Variants in DPYSL5 observed in about 807,000 individuals in gnomAD.
The protein encoded by DPYSL5 is dihydropyrimidinase like 5.
Under a neutral mutation model 58.4 loss-of-function variants are expected in DPYSL5, and 9 were observed. The ratio of observed to expected loss-of-function variants is 0.15; its 90% CI spans 0.09 to 0.27. The LOEUF (loss-of-function observed/expected upper bound fraction) is 0.27. Among genes scored for constraint, DPYSL5 ranks in the 10% least tolerant of loss-of-function variants. DPYSL5 has a pLI of 1.00. For synonymous variants in DPYSL5, 293 were observed against 301.9 expected, an observed-to-expected ratio of 0.97 and a Z score of 0.31; for missense variants, 499 against 770.6, an observed-to-expected ratio of 0.65 and a Z score of 4.17.
intron 2 of DPYSL5, among the ~76,000 whole-genome samples, chr2:26,912,261 G>A (rs911739617): frequency 1.3e-4 from 20 of 152,226 alleles, no homozygotes; most frequent in African/African-American, 4.3e-4. Context: ...GGCAGGGCAG[G>A]CCTGTCTGCC....
intron 1 of DPYSL5, among the ~76,000 whole-genome samples, chr2:26,854,423 C>T (rs1385943210): frequency 1.3e-5 from 2 of 152,136 alleles, no homozygotes; most frequent in Admixed American, 1.3e-4. Flanking sequence ...CACACCATTG[C>T]ACTGTAGCCT....
intron 1 of DPYSL5, among the ~76,000 whole-genome samples, chr2:26,873,536 C>T (rs897744215): frequency 1.3e-5 from 2 of 152,170 alleles, no homozygotes; most frequent in Admixed American, 6.5e-5. Context: ...CACTGGATAG[C>T]TCCCAGGACA....
chr2:26,923,367 CACA>C (rs1204301094), intron 2 of DPYSL5, among the ~76,000 whole-genome samples: 3 of 152,296 alleles, frequency 2.0e-5, no homozygotes, highest in South Asian at 4.1e-4. Context: ...AGTAACTAAA[CACA>C]CATGTTAGGA....
chr2:26,915,708 A>G (rs1199894724), intron 2 of DPYSL5, among the ~76,000 whole-genome samples: 1 of 152,098 alleles, frequency 6.6e-6, no homozygotes, highest in Non-Finnish European at 1.5e-5. Flanking sequence ...GGCTCAGACC[A>G]ACACTCCTGA....
intron 1 of DPYSL5, among the ~76,000 whole-genome samples, chr2:26,871,692 C>T (rs1208922807): frequency 3.9e-5 from 6 of 152,218 alleles, no homozygotes; most frequent in East Asian, 1.9e-4. Context: ...CCACCCGCCT[C>T]GGCCTTCCAA....
intron 5 of DPYSL5, among the ~76,000 whole-genome samples, chr2:26,931,043 G>A (rs1346929257): frequency 1.3e-5 from 2 of 149,796 alleles, no homozygotes; most frequent in African/African-American, 2.5e-5. Context: ...GGAGTCTGAG[G>A]TGGGAGGATC....
chr2:26,887,659 G>C (rs1663754132), intron 1 of DPYSL5, among the ~76,000 whole-genome samples: 1 of 151,280 alleles, frequency 6.6e-6, no homozygotes, highest in South Asian at 2.1e-4. Context: ...AGTAAAAATG[G>C]GGGGCATGGA....
intron 1 of DPYSL5, among the ~76,000 whole-genome samples, chr2:26,892,756 T>TGAGAGAGA (rs144430871): frequency 0.074 from 10,212 of 138,584 alleles, 437 homozygotes; most frequent in Non-Finnish European, 0.084. Context: ...TGGGTTTGTT[T>TGAGAGAGA]GAGAGAGAGA....
rs538846581 is a variant in DPYSL5 at position 26,889,906 on chromosome 2, G to A, written c.-4-8590G>A. On this transcript the variant is annotated intron_variant, in intron 1 of 12. Coordinates refer to ENST00000288699, the MANE Select transcript of DPYSL5 (RefSeq NM_020134.4). The stretch of plus-strand genomic sequence containing the variant: ...TGTTGAGTTCAGCAAAGACTAGCAG[G>A]GAAAGCTGTAAGAATAAGGTGCTAA... Among the ~76,000 whole-genome samples the A allele has an allele frequency of 2.7e-4, 41 of 152,252 alleles. No individual in the cohort carries two copies. In the South Asian group the frequency reaches 7.5e-3, roughly 28 times the overall value.
Position 26,870,444 on chromosome 2 carries a change from A to G in DPYSL5, c.-5+22190A>G, listed in dbSNP as rs148325487. Among the ~76,000 whole-genome samples the G allele has an allele frequency of 1.8e-3, 267 of 152,288 alleles. 2 individuals are homozygous for G. The highest frequency in any genetic ancestry group is 0.014 in the Middle Eastern group (4 of 294). The stretch of plus-strand genomic sequence containing the variant: ...TGTATTATCCTTTTGGTACACTGCA[A>G]ATTGTTTACAACTGTAGTTTGTGTC... On this transcript the variant is annotated intron_variant, in intron 1 of 12. Transcript: ENST00000288699.
chr2:26,857,953 G>T (rs1426601896), intron 1 of DPYSL5, among the ~76,000 whole-genome samples: 2 of 152,194 alleles, frequency 1.3e-5, no homozygotes, highest in Non-Finnish European at 2.9e-5. Flanking sequence ...GTGCATAAAG[G>T]ACAGTGGTTG....
chr2:26,856,291 A>G (rs1665876354), intron 1 of DPYSL5, among the ~76,000 whole-genome samples: 1 of 152,250 alleles, frequency 6.6e-6, no homozygotes, highest in African/African-American at 2.4e-5. Flanking sequence ...TCAGTACTCA[A>G]GGAGAGTCTC....
rs1181969829 is a variant in DPYSL5, at chr2:26,948,093, A to ACACACACACACACACACACACACG, written c.*1115_*1116insACACACGCACACACACACACACAC. On this transcript the variant is annotated 3_prime_UTR_variant, in exon 13 of 13. Transcript: ENST00000288699. The stretch of plus-strand genomic sequence containing the variant: ...TGCCACCACACACACACACACACAC[A>ACACACACACACACACACACACACG]CACACACACACACACACGCACGGCT... 3 of 154,904 alleles carry ACACACACACACACACACACACACG rather than the reference A, an allele frequency of 1.9e-5. No homozygotes were observed. Among genetic ancestry groups the ACACACACACACACACACACACACG allele is most frequent in the African/African-American group, 7.3e-5 (3 of 40,976 alleles). The allele number at this position is 154,904 out of a possible 1,614,324, so 9.6% of individuals were successfully genotyped here. A position where few individuals can be genotyped will look rare whatever the true frequency, so the allele number is the denominator to read the frequency against.
rs1189832288 is a variant in DPYSL5 at position 26,925,248 on chromosome 2, C to T, written c.420+203C>T. Among the ~76,000 whole-genome samples, 2 of 152,256 alleles carry T rather than the reference C, an allele frequency of 1.3e-5. No individual in the cohort carries two copies. The highest frequency in any genetic ancestry group is 1.9e-4 in the East Asian group (1 of 5,166). On this transcript the variant is annotated intron_variant, in intron 3 of 12. Coordinates refer to ENST00000288699, the MANE Select transcript of DPYSL5 (RefSeq NM_020134.4). This position sits in a 1 kb window ranked among gnomAD's most constrained non-coding sequence, Gnocchi z 4.5. Reference sequence around the variant, plus strand: ...CTGCTTAACTTAATGAGCCATTTTCCGGCAGGCACAGAGAGGCCAAGGCCA... The same window carrying T: ...CTGCTTAACTTAATGAGCCATTTTCTGGCAGGCACAGAGAGGCCAAGGCCA...
Position 26,934,487 on chromosome 2 carries a change from A to G in DPYSL5, c.791-91A>G. 1.3e-6 allele frequency: 2 copies of G among 1,485,536 alleles called. No homozygotes were observed. Among genetic ancestry groups the G allele is most frequent in the South Asian group, 2.5e-5 (2 of 78,492 alleles). The allele number at this position is 1,485,536 out of a possible 1,614,324, so 92.0% of individuals were successfully genotyped here. On this transcript the variant is annotated intron_variant, in intron 7 of 12. Coordinates refer to ENST00000288699, the MANE Select transcript of DPYSL5 (RefSeq NM_020134.4). The surrounding 1 kb of genome is among the most constrained non-coding windows in gnomAD (Gnocchi z 4.3). Reference sequence around the variant, plus strand: ...CAGGTCCCTTCCTGTCTCTGACCTCAGCTCCTTCACCTGTAAAATGAGAGG... The same window carrying G: ...CAGGTCCCTTCCTGTCTCTGACCTCGGCTCCTTCACCTGTAAAATGAGAGG...
At chr2:26,892,756 TGAGAGAGAGAGA>T (rs144430871) in intron 1 of DPYSL5, among the ~76,000 whole-genome samples, 116 of 138,828 alleles carry the variant, frequency 8.4e-4, no homozygotes, top group Middle Eastern at 3.6e-3. Flanking sequence ...TGGGTTTGTT[TGAGAGAGAGAGA>T]GAGAGAGAGA....
intron 5 of DPYSL5, among the ~76,000 whole-genome samples, chr2:26,931,151 AAAT>A (rs1448358661): frequency 7.5e-4 from 29 of 38,622 alleles, no homozygotes; most frequent in Non-Finnish European, 1.0e-3. Context: ...AAAAAAAAAA[AAAT>A]ATATATATAT....
At chr2:26,855,384 G>A (rs367769820) in intron 1 of DPYSL5, among the ~76,000 whole-genome samples, 7 of 151,932 alleles carry the variant, frequency 4.6e-5, no homozygotes, top group Non-Finnish European at 7.4e-5. Flanking sequence ...AGCCCAGATC[G>A]CGGCACTGCA....
chr2:26,910,075 C>T (rs1003120450), intron 2 of DPYSL5, among the ~76,000 whole-genome samples: 3 of 152,134 alleles, frequency 2.0e-5, no homozygotes, highest in Non-Finnish European at 2.9e-5. Context: ...GATTAGTTTG[C>T]ATTTTCTACT....
Sources: allele counts gnomAD v4.1 joint callset (sites outside exome capture counted in the v4.1 genomes callset), GRCh38; gene constraint gnomAD v4.1.1; non-coding constraint Gnocchi (gnomAD v3.1); transcripts MANE v1.5; gene names NCBI Gene and HGNC (gene_info 2026-07-23, HGNC 2026-07-21).